The following TECPR1 variants were observed in gnomAD, a reference collection of about 807,000 sequenced individuals.
The protein encoded by TECPR1 is tectonin beta-propeller repeat containing 1.
Under a neutral mutation model 162.4 loss-of-function variants are expected in TECPR1, and 122 were observed. That is an observed-to-expected ratio of 0.75 (90% CI 0.65 to 0.87). The LOEUF (loss-of-function observed/expected upper bound fraction) is 0.87. TECPR1 is among the 40% of genes least tolerant of loss of function. The probability of loss-of-function intolerance (pLI) is 0.00; values close to 1 mark genes in which losing one functional copy is unlikely to be tolerated. For synonymous variants in TECPR1, 642 were observed against 670.6 expected (o/e 0.96, Z 0.66); for missense variants, 1,432 against 1,618.2 (o/e 0.88, Z 1.97).
intron 10 of TECPR1, among the ~76,000 whole-genome samples, chr7:98,234,479 C>A (rs113576284): frequency 2.6e-5 from 4 of 152,224 alleles, no homozygotes; most frequent in African/African-American, 9.6e-5. Context: ...TTATAAAAGA[C>A]CAGCTTCAGG....
chr7:98,220,789 C>T (rs1420497742), intron 23 of TECPR1, among the ~76,000 whole-genome samples: 1 of 152,030 alleles, frequency 6.6e-6, no homozygotes, highest in Non-Finnish European at 1.5e-5. Flanking sequence ...ATTTCCTGAC[C>T]TTGTGATCCG....
chr7:98,248,835 G>T (rs980531370), intron 2 of TECPR1, among the ~76,000 whole-genome samples: 1 of 143,758 alleles, frequency 7.0e-6, no homozygotes, highest in Non-Finnish European at 1.6e-5. Context: ...GACAGAGTGC[G>T]ACTCCGTCTC....
Position 98,229,020 on chromosome 7 carries a change from G to C in TECPR1, c.2410+19C>G, listed in dbSNP as rs369602942. ...AGAACGCCCAGGAAGGCTCCGGGGGGGCTGTGGGCCGCCCTCACCTTGGAA... is the reference window on the plus strand; with the variant it reads ...AGAACGCCCAGGAAGGCTCCGGGGGCGCTGTGGGCCGCCCTCACCTTGGAA... On this transcript the variant is annotated intron_variant, in intron 16 of 25. Transcript: ENST00000447648. 47 of 1,598,068 alleles carry C rather than the reference G, an allele frequency of 2.9e-5. No homozygotes were observed. The highest frequency in any genetic ancestry group is 3.2e-5 in the Non-Finnish European group (38 of 1,172,058).
At chr7:98,220,549 C>T (rs1367660444) in intron 23 of TECPR1, among the ~76,000 whole-genome samples, 1 of 145,930 alleles carries the variant, frequency 6.9e-6, no homozygotes, top group Non-Finnish European at 1.5e-5. Context: ...TATAGGTGCG[C>T]ACTACCACAT....
chr7:98,245,323 G>C (rs780038842), intron 3 of TECPR1, among the ~76,000 whole-genome samples: 12 of 152,370 alleles, frequency 7.9e-5, no homozygotes, highest in Admixed American at 2.0e-4. Flanking sequence ...GCTGTGAGCA[G>C]GGCAGGCGGT....
At position 98,232,102 on chromosome 7, in the gene TECPR1, T is replaced by C. The variant is rs1798460256; in HGVS notation, c.1819-143A>G. ...TCCCGGCTGTCAGCCCAGCTCCCCCTATGCTAATGATAACAGTGACGCTGC... is the reference window on the plus strand; with the variant it reads ...TCCCGGCTGTCAGCCCAGCTCCCCCCATGCTAATGATAACAGTGACGCTGC... On this transcript the variant is annotated intron_variant, in intron 12 of 25. Coordinates refer to ENST00000447648, the MANE Select transcript of TECPR1 (RefSeq NM_015395.3). The surrounding 1 kb of genome is among the most constrained non-coding windows in gnomAD (Gnocchi z 4.6). The C allele has an allele frequency of 1.2e-6, 1 of 813,802 alleles. No individual in the cohort carries two copies. The highest frequency in any genetic ancestry group is 1.9e-6 in the Non-Finnish European group (1 of 517,968). 50.4% of individuals were successfully genotyped at this position (813,802 alleles called of 1,614,324 possible).
intron 10 of TECPR1, among the ~76,000 whole-genome samples, chr7:98,234,951 C>T (rs539285825): frequency 3.3e-5 from 5 of 152,114 alleles, no homozygotes; most frequent in East Asian, 1.9e-4. Context: ...TGGGCTTAAG[C>T]GATCCACCCA....
chr7:98,245,895 G>A lies in TECPR1; in HGVS notation c.225+27C>T, dbSNP rs373648933. ...AATAACCCAGCGAACTGACCCGCTCGGCAACTCCAACCATGAGGGTCACTA... is the reference window on the plus strand; with the variant it reads ...AATAACCCAGCGAACTGACCCGCTCAGCAACTCCAACCATGAGGGTCACTA... On this transcript the variant is annotated intron_variant, in intron 3 of 25. Coordinates refer to ENST00000447648, the MANE Select transcript of TECPR1 (RefSeq NM_015395.3). The A allele has an allele frequency of 5.1e-4, 800 of 1,565,838 alleles. 1 individual carries two copies. The highest frequency in any genetic ancestry group is 1.2e-3 in the Middle Eastern group (7 of 6,030).
intron 23 of TECPR1, among the ~76,000 whole-genome samples, chr7:98,219,318 G>C (rs982270171): frequency 1.8e-4 from 27 of 152,218 alleles, no homozygotes; most frequent in African/African-American, 6.3e-4. Context: ...CTATTCAAGG[G>C]CTTTGCCTGG....
At chr7:98,228,251 G>A (rs1001853191) in intron 16 of TECPR1, 135 bp from the exon 17 acceptor site, 28 of 704,848 alleles carry the variant, frequency 4.0e-5, no homozygotes, top group Admixed American at 6.3e-5. Flanking sequence ...GGAGCAAACA[G>A]TCCTGTTGAG....
In TECPR1 at chr7:98,232,034, G is replaced by A. The variant is rs1798457802; in HGVS notation, c.1819-75C>T. 2.7e-6 allele frequency: 4 copies of A among 1,493,236 alleles called. No homozygotes were observed. In the African/African-American group the frequency reaches 5.5e-5, roughly 21 times the overall value. The allele number at this position is 1,493,236 out of a possible 1,614,324, so 92.5% of individuals were successfully genotyped here. A position where few individuals can be genotyped will look rare whatever the true frequency, so the allele number is the denominator to read the frequency against. ...AGGGGAGGAGGGCGGGGCTGGGGGT[G>A]CCCAGAGGAGGAGGCAGGGCTGGGG... On this transcript the variant is annotated intron_variant, in intron 12 of 25. Transcript: ENST00000447648. This position sits in a 1 kb window ranked among gnomAD's most constrained non-coding sequence, Gnocchi z 4.6.
chr7:98,235,809 G>A (rs1480088797), intron 10 of TECPR1, among the ~76,000 whole-genome samples: 1 of 85,702 alleles, frequency 1.2e-5, no homozygotes, highest in Non-Finnish European at 2.8e-5. Context: ...CAGCCTGGAT[G>A]ACAGAGTGAG....
At position 98,232,052 on chromosome 7, in the gene TECPR1, G is replaced by T; in HGVS notation, c.1819-93C>A. 2 of 1,401,418 alleles carry T rather than the reference G, an allele frequency of 1.4e-6. No homozygotes were observed. The highest frequency in any genetic ancestry group is 1.9e-6 in the Non-Finnish European group (2 of 1,036,418). The allele number at this position is 1,401,418 out of a possible 1,614,324, so 86.8% of individuals were successfully genotyped here. A position where few individuals can be genotyped will look rare whatever the true frequency, so the allele number is the denominator to read the frequency against. ...TGGGGGTGCCCAGAGGAGGAGGCAG[G>T]GCTGGGGTAGGGCCCACCCAGCACT... On this transcript the variant is annotated intron_variant, in intron 12 of 25. Coordinates refer to ENST00000447648, the MANE Select transcript of TECPR1 (RefSeq NM_015395.3). This position sits in a 1 kb window ranked among gnomAD's most constrained non-coding sequence, Gnocchi z 4.6.
intron 16 of TECPR1, 50 bp from the exon 17 acceptor site, chr7:98,228,166 G>A: frequency 7.1e-7 from 1 of 1,410,808 alleles, no homozygotes; most frequent in Non-Finnish European, 9.9e-7. Context: ...GCTCCGCTTG[G>A]GACTCTGGCT....
intron 3 of TECPR1, 168 bp from the exon 4 acceptor site, chr7:98,245,235 C>A (rs1798875521): frequency 2.9e-6 from 2 of 684,090 alleles, no homozygotes; most frequent in East Asian, 5.4e-5. Context: ...AACTGGGGAC[C>A]CCCATGCCAC....
chr7:98,240,624 A>C (rs1013235081), intron 8 of TECPR1, among the ~76,000 whole-genome samples: 1 of 152,126 alleles, frequency 6.6e-6, no homozygotes, highest in Non-Finnish European at 1.5e-5. Flanking sequence ...CATGTTGGCC[A>C]GGCTGGTCTT....
At chr7:98,233,053 A>C in intron 11 of TECPR1, 81 bp from the exon 12 acceptor site, 1 of 1,464,622 alleles carries the variant, frequency 6.8e-7, no homozygotes, top group East Asian at 2.4e-5. Flanking sequence ...CCCCTCCACC[A>C]AATCAGCCCT....
intron 19 of TECPR1, among the ~76,000 whole-genome samples, chr7:98,224,563 C>T (rs566443331): frequency 2.0e-5 from 3 of 152,208 alleles, no homozygotes; most frequent in African/African-American, 7.2e-5. Context: ...TGCTCCTACC[C>T]GTGCCACACA....
At chr7:98,238,298 C>T (rs1254926344) in intron 9 of TECPR1, among the ~76,000 whole-genome samples, 1 of 152,182 alleles carries the variant, frequency 6.6e-6, no homozygotes, top group Non-Finnish European at 1.5e-5. Flanking sequence ...TGCCTGTCTC[C>T]CCCTGGCCTC....
Sources: gnomAD v4.1 joint callset for allele counts (sites outside exome capture counted in the v4.1 genomes callset) on GRCh38, gnomAD v4.1.1 for gene constraint, Gnocchi (gnomAD v3.1) non-coding constraint, MANE v1.5 for transcripts, NCBI Gene and HGNC (gene_info 2026-07-23, HGNC 2026-07-21) for gene names.